The following C6orf89 variants were observed in gnomAD, a reference collection of about 807,000 sequenced individuals.
C6orf89 encodes the protein bombesin receptor-activated protein C6orf89.
A neutral mutation model predicts 40.7 loss-of-function variants in C6orf89; 29 were observed. The ratio of observed to expected loss-of-function variants is 0.71; its 90% CI spans 0.53 to 0.97. The LOEUF (loss-of-function observed/expected upper bound fraction) is 0.97, where lower values mean the gene tolerates loss of function less well. C6orf89 is among the 50% of genes least tolerant of loss of function. C6orf89 has a pLI of 0.00. For synonymous variants in C6orf89, 165 were observed against 152.2 expected (o/e 1.08, Z -0.62); for missense variants, 392 against 429.1 (o/e 0.91, Z 0.76).
At chr6:36,913,025 C>T (rs9296202) in intron 4 of C6orf89, among the ~76,000 whole-genome samples, 5,966 of 152,204 alleles carry the variant, frequency 0.039, 365 homozygotes, top group African/African-American at 0.13. Context: ...TTAATCAGAA[C>T]CGTCTTCTGA....
intron 3 of C6orf89, among the ~76,000 whole-genome samples, chr6:36,901,289 G>GTAT (rs1337857767): frequency 0.034 from 2,714 of 79,104 alleles, 107 homozygotes; most frequent in East Asian, 0.043. Flanking sequence ...GCCCCTTTGT[G>GTAT]TATTATTATT....
intron 1 of C6orf89, among the ~76,000 whole-genome samples, chr6:36,891,284 G>A (rs1200426908): frequency 1.3e-5 from 2 of 152,064 alleles, no homozygotes; most frequent in Non-Finnish European, 2.9e-5. Flanking sequence ...CAAAATGATG[G>A]TTTCCAGCTT....
intron 4 of C6orf89, among the ~76,000 whole-genome samples, chr6:36,905,522 G>GTGT (rs1761896085): frequency 6.6e-6 from 1 of 152,118 alleles, no homozygotes; most frequent in African/African-American, 2.4e-5. Context: ...TCCCGACCTG[G>GTGT]TGTTGTCTTA....
Position 36,890,137 on chromosome 6 carries a change from C to T in C6orf89, c.-120+4109C>T, listed in dbSNP as rs1561858744. ...CCTCCTGCCTTCTTACTTATTATTA[C>T]TATTAGCAATAAGAACACTTAACAT... On this transcript the variant is annotated intron_variant, in intron 1 of 8. Coordinates refer to ENST00000480824, the MANE Select transcript of C6orf89 (RefSeq NM_001286635.2). Among the ~76,000 whole-genome samples the T allele has an allele frequency of 3.3e-5, 5 of 152,332 alleles. No homozygotes were observed. The South Asian group carries it at 1.0e-3, about 32-fold the overall frequency.
intron 1 of C6orf89, among the ~76,000 whole-genome samples, chr6:36,890,104 T>A (rs370450): frequency 6.6e-6 from 1 of 152,208 alleles, no homozygotes; most frequent in Non-Finnish European, 1.5e-5. Context: ...TCCATCACCT[T>A]CAAGTTTCCT....
chr6:36,882,060 A>C (rs77346094), upstream of C6orf89, among the ~76,000 whole-genome samples: 1,958 of 152,270 alleles, frequency 0.013, 29 homozygotes, highest in African/African-American at 0.035. Flanking sequence ...ACAACAAAAA[A>C]AAATGGTTGA....
intron 1 of C6orf89, among the ~76,000 whole-genome samples, chr6:36,889,341 A>G (rs1179366748): frequency 1.3e-5 from 2 of 152,224 alleles, no homozygotes; most frequent in Non-Finnish European, 2.9e-5. Context: ...TCAACAGGTT[A>G]ATAAATGAAT....
At chr6:36,901,692 G>T (rs1050851901) in intron 3 of C6orf89, among the ~76,000 whole-genome samples, 2 of 138,692 alleles carry the variant, frequency 1.4e-5, no homozygotes, top group African/African-American at 2.7e-5. Flanking sequence ...TTTTTGAGAC[G>T]GAGTCTCTCG....
intron 4 of C6orf89, among the ~76,000 whole-genome samples, chr6:36,908,668 G>A (rs1017606800): frequency 5.9e-5 from 9 of 152,134 alleles, no homozygotes; most frequent in Non-Finnish European, 1.0e-4. Flanking sequence ...CATTGTATTA[G>A]TTTCTAAGGC....
At chr6:36,902,155 GT>G in intron 3 of C6orf89, 65 bp from the exon 4 acceptor site, 3 of 1,394,006 alleles carry the variant, frequency 2.2e-6, no homozygotes, top group Non-Finnish European at 3.0e-6. Flanking sequence ...GTTTTGTTTT[GT>G]TTTTTTTCTT....
chr6:36,885,173 CTT>C (rs1774928927), upstream of C6orf89, among the ~76,000 whole-genome samples: 1 of 152,210 alleles, frequency 6.6e-6, no homozygotes, highest in Non-Finnish European at 1.5e-5. Context: ...GAAAACCTAA[CTT>C]AATAGTATAC....
At chr6:36,890,754 A>T (rs1271277414) in intron 1 of C6orf89, among the ~76,000 whole-genome samples, 2 of 151,982 alleles carry the variant, frequency 1.3e-5, no homozygotes, top group African/African-American at 4.8e-5. Context: ...GGCCAGGCTG[A>T]TCTCCAGCTC....
chr6:36,877,044 T>C lies in C6orf89; in HGVS notation c.-627-1964T>C, dbSNP rs984342646. On this transcript the variant is annotated intron_variant, in intron 1 of 9. Transcript: ENST00000359359. The stretch of plus-strand genomic sequence containing the variant: ...TTTGAATTTTATATAAATGGAGTTA[T>C]AAAGTACGTATTTTTTTGTGCCTGG... 2.0e-5 allele frequency among the ~76,000 whole-genome samples: 3 copies of C among 152,226 alleles called. No individual in the cohort carries two copies. In the East Asian group the frequency reaches 5.8e-4, roughly 29 times the overall value.
intron 1 of C6orf89, among the ~76,000 whole-genome samples, chr6:36,894,023 CAA>C (rs779616350): frequency 0.029 from 1,766 of 60,490 alleles, 25 homozygotes; most frequent in African/African-American, 0.073. Flanking sequence ...GACTCTGTCT[CAA>C]AAAAAAAAAA....
At chr6:36,923,322 C>T (rs1490662608) in intron 8 of C6orf89, 25 bp from the exon 9 acceptor site, 3 of 1,588,238 alleles carry the variant, frequency 1.9e-6, no homozygotes, top group Admixed American at 1.7e-5. Flanking sequence ...ATTTACATGC[C>T]TTCCTCTTGC....
At chr6:36,878,231 A>C (rs1561852421) in intron 1 of C6orf89, among the ~76,000 whole-genome samples, 1 of 152,140 alleles carries the variant, frequency 6.6e-6, no homozygotes, top group Non-Finnish European at 1.5e-5. Flanking sequence ...GTGTCCATAT[A>C]TGTGTTTTCT....
Position 36,897,171 on chromosome 6 carries a change from A to G in C6orf89, c.-19-2255A>G, listed in dbSNP as rs376157729. ...AAAAAAGAAAAGAAAGAAAGGTCCA[A>G]CTTCATTTTCTCATTTGTGGATATC... On this transcript the variant is annotated intron_variant, in intron 2 of 8. Coordinates refer to ENST00000480824, the MANE Select transcript of C6orf89 (RefSeq NM_001286635.2). 2.6e-5 allele frequency among the ~76,000 whole-genome samples: 4 copies of G among 151,612 alleles called. No homozygotes were observed. The South Asian group carries it at 8.3e-4, about 32-fold the overall frequency.
Position 36,902,219 on chromosome 6 carries a change from A to C in C6orf89, c.190-2A>C. On this transcript the variant is annotated splice_acceptor_variant, in intron 3 of 8. Transcript: ENST00000480824. LOFTEE classifies it high-confidence loss of function. ...TAATGCCTTTTCTATCTTTCCTTGT[A>C]GGTTCTCGCAACCTTGGGATTAATC... is the stretch of plus-strand genomic sequence containing the variant. The C allele has an allele frequency of 6.2e-7, 1 of 1,613,592 alleles. No homozygotes were observed. Among genetic ancestry groups the C allele is most frequent in the Non-Finnish European group, 8.5e-7 (1 of 1,179,642 alleles).
intron 1 of C6orf89, chr6:36,874,920 T>TG (rs1774611018): frequency 1.2e-6 from 1 of 816,520 alleles, no homozygotes; most frequent in Non-Finnish European, 1.9e-6. Context: ...GGACGGTCCC[T>TG]TCTTCCAATG....
Sources: allele counts gnomAD v4.1 joint callset (sites outside exome capture counted in the v4.1 genomes callset), GRCh38; gene constraint gnomAD v4.1.1; transcripts MANE v1.5; gene names NCBI Gene and HGNC (gene_info 2026-07-23, HGNC 2026-07-21).